IL1RAPL1: variants seen among roughly 807,000 people sequenced by gnomAD.
The protein encoded by IL1RAPL1 is interleukin-1 receptor accessory protein-like 1.
Under a neutral mutation model 48.4 loss-of-function variants are expected in IL1RAPL1, and 3 were observed. The ratio of observed to expected loss-of-function variants is 0.06; its 90% CI spans 0.03 to 0.16. The LOEUF (loss-of-function observed/expected upper bound fraction) is 0.16, where lower values mean the gene tolerates loss of function less well. Among genes scored for constraint, IL1RAPL1 ranks in the 10% least tolerant of loss-of-function variants. The probability of loss-of-function intolerance (pLI) is 1.00; values close to 1 mark genes in which losing one functional copy is unlikely to be tolerated. For missense variants in IL1RAPL1, 349 were observed against 530.6 expected (o/e 0.66, Z 3.36); for synonymous variants, 185 against 187.7 (o/e 0.99, Z 0.12).
At chrX:28,716,343 A>G (rs1340378069) in intron 1 of IL1RAPL1, among the ~76,000 whole-genome samples, 2 of 111,262 alleles carry the variant, frequency 1.8e-5, no homozygotes, top group Non-Finnish European at 3.8e-5. Flanking sequence ...TAGTCAGGCA[A>G]GAGAAAGAAA....
chrX:29,067,979 T>A (rs1289045008), intron 2 of IL1RAPL1, among the ~76,000 whole-genome samples: 4 of 112,094 alleles, frequency 3.6e-5, no homozygotes, highest in Non-Finnish European at 7.5e-5. Flanking sequence ...TAGACAAGAA[T>A]TTTTTAATGG....
chrX:28,977,886 C>G (rs1175876093), intron 2 of IL1RAPL1, among the ~76,000 whole-genome samples: 1 of 111,592 alleles, frequency 9.0e-6, no homozygotes, highest in African/African-American at 3.3e-5. Context: ...GAACCAGGAC[C>G]CGGGGGGTGG....
intron 2 of IL1RAPL1, among the ~76,000 whole-genome samples, chrX:28,921,367 A>G (rs1057399248): frequency 4.5e-5 from 5 of 112,325 alleles, no homozygotes; most frequent in Non-Finnish European, 9.4e-5. Context: ...GATTGTTAGG[A>G]CAAGCATCTC....
At chrX:29,184,971 A>G (rs1481344869) in intron 2 of IL1RAPL1, among the ~76,000 whole-genome samples, 3 of 112,247 alleles carry the variant, frequency 2.7e-5, no homozygotes, top group East Asian at 5.6e-4. Flanking sequence ...TTGTGAGTCT[A>G]TATGAGATGT....
chrX:29,410,579 A>G (rs191974461), intron 5 of IL1RAPL1, among the ~76,000 whole-genome samples: 71 of 112,145 alleles, frequency 6.3e-4, no homozygotes, highest in Middle Eastern at 4.6e-3. Flanking sequence ...TTTGAATTTA[A>G]TAAAAGATGA....
intron 8 of IL1RAPL1, among the ~76,000 whole-genome samples, chrX:29,935,504 G>A (rs1365312343): frequency 9.0e-6 from 1 of 111,158 alleles, no homozygotes; most frequent in Non-Finnish European, 1.9e-5. Context: ...TTCAGTTACT[G>A]CCATTATTCA....
chrX:29,331,034 G>C lies in IL1RAPL1; in HGVS notation c.362+47817G>C, dbSNP rs753793452. 3.0e-3 allele frequency among the ~76,000 whole-genome samples: 335 copies of C among 110,718 alleles called. 1 individual carries two copies. The highest frequency in any genetic ancestry group is 4.7e-3 in the Non-Finnish European group (250 of 52,937). On this transcript the variant is annotated intron_variant, in intron 3 of 10. Coordinates refer to ENST00000378993, the MANE Select transcript of IL1RAPL1 (RefSeq NM_014271.4). ...ATGCAAAAATTAGCTGGGTGTGGTGGCACACGCTTGTAATCCCAGCTACTC... is the reference window on the plus strand; with the variant it reads ...ATGCAAAAATTAGCTGGGTGTGGTGCCACACGCTTGTAATCCCAGCTACTC...
At chrX:29,290,520 ACTTT>A (rs1182117565) in intron 3 of IL1RAPL1, among the ~76,000 whole-genome samples, 1 of 112,612 alleles carries the variant, frequency 8.9e-6, no homozygotes, top group African/African-American at 3.2e-5. Flanking sequence ...GTTTATGTTT[ACTTT>A]CTTTCTATCT....
At chrX:28,953,303 G>T (rs1463047202) in intron 2 of IL1RAPL1, among the ~76,000 whole-genome samples, 5 of 111,300 alleles carry the variant, frequency 4.5e-5, no homozygotes, top group African/African-American at 1.6e-4. Flanking sequence ...TATTTTAATA[G>T]ATTTCCCTGG....
At chrX:29,285,524 C>T (rs1159766971) in intron 3 of IL1RAPL1, among the ~76,000 whole-genome samples, 6 of 11,568 alleles carry the variant, frequency 5.2e-4, no homozygotes, top group Non-Finnish European at 7.6e-4. Context: ...AACTCCGTCT[C>T]AAAAAAAAAA....
At chrX:29,069,628 AAC>A (rs56373899) in intron 2 of IL1RAPL1, among the ~76,000 whole-genome samples, 3,851 of 83,619 alleles carry the variant, frequency 0.046, 137 homozygotes, top group African/African-American at 0.11. Context: ...TTTCCTATAG[AAC>A]ACACACACAC....
At chrX:28,802,154 T>C (rs1936683502) in intron 2 of IL1RAPL1, among the ~76,000 whole-genome samples, 1 of 111,942 alleles carries the variant, frequency 8.9e-6, no homozygotes, top group African/African-American at 3.2e-5. Context: ...AAAAAATTAG[T>C]TTTTATTTCT....
chrX:29,817,386 A>G (rs1175256031), intron 6 of IL1RAPL1, among the ~76,000 whole-genome samples: 1 of 110,067 alleles, frequency 9.1e-6, no homozygotes, highest in Non-Finnish European at 1.9e-5. Flanking sequence ...TCGTTAACCA[A>G]TTTTCTGGAA....
intron 5 of IL1RAPL1, among the ~76,000 whole-genome samples, chrX:29,528,702 G>T (rs954046184): frequency 1.2e-4 from 13 of 111,758 alleles, no homozygotes; most frequent in African/African-American, 3.9e-4. Context: ...GTTCACCCAG[G>T]ATACGCTCCT....
intron 5 of IL1RAPL1, among the ~76,000 whole-genome samples, chrX:29,588,326 A>G (rs1923253132): frequency 8.9e-6 from 1 of 112,304 alleles, no homozygotes; most frequent in Non-Finnish European, 1.9e-5. Flanking sequence ...CTTTCCTTGA[A>G]TAAGTCACAA....
rs764086448 is a variant in IL1RAPL1, at chrX:28,933,443, C to T, written c.82+144018C>T. Among the ~76,000 whole-genome samples the T allele has an allele frequency of 6.3e-5, 7 of 111,927 alleles. No individual in the cohort carries two copies. In the South Asian group the frequency reaches 2.6e-3, roughly 42 times the overall value. ...CCACCATTCCTATCCTGTAACTGAA[C>T]ATAGCTGATAATATGTCAGTAGTTT... On this transcript the variant is annotated intron_variant, in intron 2 of 10. Coordinates refer to ENST00000378993, the MANE Select transcript of IL1RAPL1 (RefSeq NM_014271.4).
rs1602309307 is a variant in IL1RAPL1, at chrX:29,582,717, A to T, written c.704-85713A>T. On this transcript the variant is annotated intron_variant, in intron 5 of 10. Transcript: ENST00000378993. ...TTTCATCCATGTCCCTACAAAGGAC[A>T]TGAACTCATCATTTTTTATGGCTGC... Among the ~76,000 whole-genome samples, 4 of 50,184 alleles carry T rather than the reference A, an allele frequency of 8.0e-5. No homozygotes were observed. The East Asian group carries it at 2.1e-3, about 27-fold the overall frequency. The allele number at this position is 50,184 out of a possible 115,157, so 43.6% of individuals were successfully genotyped here. A position where few individuals can be genotyped will look rare whatever the true frequency, so the allele number is the denominator to read the frequency against.
intron 1 of IL1RAPL1, among the ~76,000 whole-genome samples, chrX:28,722,071 A>C (rs759398899): frequency 1.2e-4 from 13 of 111,747 alleles, no homozygotes; most frequent in African/African-American, 4.2e-4. Flanking sequence ...TTGACTTGGC[A>C]ATGCAGGCTC....
chrX:29,895,147 G>A (rs927561078), intron 6 of IL1RAPL1, among the ~76,000 whole-genome samples: 2 of 110,851 alleles, frequency 1.8e-5, no homozygotes, highest in Admixed American at 9.6e-5. Context: ...CTTTAAGAGC[G>A]TTTGTAACTA....
Sources: allele counts gnomAD v4.1 joint callset (sites outside exome capture counted in the v4.1 genomes callset), GRCh38; gene constraint gnomAD v4.1.1; transcripts MANE v1.5; gene names NCBI Gene and HGNC (gene_info 2026-07-23, HGNC 2026-07-21).